The following GRIA4 variants were observed in gnomAD, a reference collection of about 807,000 sequenced individuals.
The protein encoded by GRIA4 is glutamate receptor 4.
A neutral mutation model predicts 104.0 loss-of-function variants in GRIA4; 34 were observed. The ratio of observed to expected loss-of-function variants is 0.33; its 90% CI spans 0.25 to 0.44. GRIA4 has a LOEUF of 0.44. Ranked by LOEUF, GRIA4 falls within the 20% of genes least tolerant of loss-of-function variation. The probability of loss-of-function intolerance (pLI) is 1.00; values close to 1 mark genes in which losing one functional copy is unlikely to be tolerated. For missense variants in GRIA4, 750 were observed against 1,096.5 expected (o/e 0.68, Z 4.46); for synonymous variants, 386 against 381.9 (o/e 1.01, Z -0.13).
chr11:105,674,581 T>G (rs372139109), intron 3 of GRIA4, among the ~76,000 whole-genome samples: 4 of 151,926 alleles, frequency 2.6e-5, no homozygotes, highest in Non-Finnish European at 5.9e-5. Context: ...ACTACATGAC[T>G]TCCATTTACC....
chr11:105,640,967 A>G (rs1951342741), intron 3 of GRIA4, among the ~76,000 whole-genome samples: 1 of 152,038 alleles, frequency 6.6e-6, no homozygotes, highest in Non-Finnish European at 1.5e-5. Flanking sequence ...CAAACAGAAT[A>G]TGTTTTATAA....
chr11:105,643,023 G>A (rs1464619837), intron 3 of GRIA4, among the ~76,000 whole-genome samples: 2 of 152,068 alleles, frequency 1.3e-5, no homozygotes, highest in Non-Finnish European at 2.9e-5. Context: ...GAGCAATAGG[G>A]GGAAAAGCCT....
intron 3 of GRIA4, among the ~76,000 whole-genome samples, chr11:105,640,788 A>G (rs1052256288): frequency 6.6e-6 from 1 of 151,986 alleles, no homozygotes; most frequent in African/African-American, 2.4e-5. Context: ...CACATTGAAT[A>G]TTGTTATGCA....
At chr11:105,721,961 G>C (rs73630112) in intron 3 of GRIA4, among the ~76,000 whole-genome samples, 1 of 152,070 alleles carries the variant, frequency 6.6e-6, no homozygotes, top group African/African-American at 2.4e-5. Flanking sequence ...TAAATCTAAC[G>C]CAAGCTGGAA....
intron 6 of GRIA4, among the ~76,000 whole-genome samples, chr11:105,890,377 T>C (rs1946413528): frequency 6.6e-6 from 1 of 152,130 alleles, no homozygotes; most frequent in South Asian, 2.1e-4. Flanking sequence ...TGAGCTGAAA[T>C]ACAGAAAGCA....
intron 4 of GRIA4, among the ~76,000 whole-genome samples, chr11:105,857,977 T>C (rs1480538002): frequency 6.6e-6 from 1 of 152,138 alleles, no homozygotes; most frequent in African/African-American, 2.4e-5. Flanking sequence ...TCATTATCCA[T>C]GGATGATGTA....
chr11:105,836,318 C>T (rs915782064), intron 4 of GRIA4, among the ~76,000 whole-genome samples: 4 of 152,034 alleles, frequency 2.6e-5, no homozygotes, highest in Admixed American at 1.3e-4. Flanking sequence ...ATTGGCACCA[C>T]GTAATTTAAT....
At chr11:105,701,484 G>A (rs1591101170) in intron 3 of GRIA4, among the ~76,000 whole-genome samples, 1 of 152,120 alleles carries the variant, frequency 6.6e-6, no homozygotes, top group South Asian at 2.1e-4. Flanking sequence ...TTTAAGTAAA[G>A]CATTTCCTTA....
intron 3 of GRIA4, among the ~76,000 whole-genome samples, chr11:105,730,927 A>C (rs9738892): frequency 6.6e-6 from 1 of 152,210 alleles, no homozygotes; most frequent in Admixed American, 6.5e-5. Flanking sequence ...TAAAAACCCT[A>C]GAAGAAAACC....
intron 3 of GRIA4, among the ~76,000 whole-genome samples, chr11:105,724,169 C>T (rs776561586): frequency 2.0e-5 from 3 of 151,802 alleles, no homozygotes; most frequent in Non-Finnish European, 2.9e-5. Flanking sequence ...GGATATTTAC[C>T]CAATAAACAT....
chr11:105,862,739 T>G (rs978911696), intron 5 of GRIA4: 3 of 152,266 alleles, frequency 2.0e-5, no homozygotes, highest in East Asian at 1.9e-4. Flanking sequence ...ACTACCCCAG[T>G]GGAGATGGTT....
rs73627702 is a variant in GRIA4, at chr11:105,715,017, A to G, written c.248-37964A>G. On this transcript the variant is annotated intron_variant, in intron 3 of 16. Transcript: ENST00000282499. ...GTCAAGGCCAGACTTGATGGCAATA[A>G]CAATCACAATTGATTGCAACAAAAT... 5.3e-3 allele frequency among the ~76,000 whole-genome samples: 805 copies of G among 152,306 alleles called. 10 individuals carry two copies. The highest frequency in any genetic ancestry group is 0.018 in the African/African-American group (764 of 41,568).
intron 3 of GRIA4, among the ~76,000 whole-genome samples, chr11:105,675,662 T>C (rs1329269279): frequency 6.6e-6 from 1 of 151,816 alleles, no homozygotes; most frequent in African/African-American, 2.4e-5. Context: ...CAGTGTTTCC[T>C]ATAATCTTGA....
chr11:105,638,913 C>T lies in GRIA4; in HGVS notation c.247+26479C>T, dbSNP rs999076791. Among the ~76,000 whole-genome samples, 8 of 151,938 alleles carry T rather than the reference C, an allele frequency of 5.3e-5. No homozygotes were observed. The South Asian group carries it at 6.2e-4, about 12-fold the overall frequency. On this transcript the variant is annotated intron_variant, in intron 3 of 16. Transcript: ENST00000282499. ...TTAACTTTTTTATTAGTGAAGTTGC[C>T]GACAAATCCTTTTCTATTACCTAAG...
intron 4 of GRIA4, among the ~76,000 whole-genome samples, chr11:105,787,441 C>A (rs1942018182): frequency 1.4e-5 from 2 of 144,490 alleles, no homozygotes; most frequent in Non-Finnish European, 1.5e-5. Context: ...ACAAGACAGA[C>A]TAAAAGCAGT....
At chr11:105,783,271 A>C (rs1941808380) in intron 4 of GRIA4, among the ~76,000 whole-genome samples, 2 of 152,330 alleles carry the variant, frequency 1.3e-5, no homozygotes, top group South Asian at 4.1e-4. Context: ...AGACATTTTG[A>C]ACTAATCTAA....
At chr11:105,827,841 A>C (rs1178912773) in intron 4 of GRIA4, among the ~76,000 whole-genome samples, 1 of 152,100 alleles carries the variant, frequency 6.6e-6, no homozygotes, top group Non-Finnish European at 1.5e-5. Context: ...TGGTTAAGTC[A>C]ATAGACTATC....
chr11:105,638,244 G>A (rs977018358), intron 3 of GRIA4, among the ~76,000 whole-genome samples: 2 of 152,082 alleles, frequency 1.3e-5, no homozygotes, highest in Non-Finnish European at 2.9e-5. Context: ...AACCAAAGTA[G>A]CAGGCAGGTC....
At chr11:105,644,575 T>G (rs1445599) in intron 3 of GRIA4, among the ~76,000 whole-genome samples, 78,764 of 151,918 alleles carry the variant, frequency 0.52, 20,668 homozygotes, top group Admixed American at 0.61. Context: ...TCGCACTCCA[T>G]CCTGGGTGAA....
Sources: gnomAD v4.1 joint callset for allele counts (sites outside exome capture counted in the v4.1 genomes callset) on GRCh38, gnomAD v4.1.1 for gene constraint, MANE v1.5 for transcripts, NCBI Gene and HGNC (gene_info 2026-07-23, HGNC 2026-07-21) for gene names.